Variants in TRIM36 observed in about 807,000 individuals in gnomAD.
TRIM36 encodes E3 ubiquitin-protein ligase TRIM36.
Under a neutral mutation model 72.4 loss-of-function variants are expected in TRIM36, and 42 were observed. The ratio of observed to expected loss-of-function variants is 0.58; its 90% CI spans 0.45 to 0.75. The LOEUF (loss-of-function observed/expected upper bound fraction) is 0.75. Ranked by LOEUF, TRIM36 falls within the 30% of genes least tolerant of loss-of-function variation. The probability of loss-of-function intolerance (pLI) is 0.00; values close to 1 mark genes in which losing one functional copy is unlikely to be tolerated. For missense variants in TRIM36, 913 were observed against 857.1 expected (o/e 1.07, Z -0.81); for synonymous variants, 315 against 282.8 (o/e 1.11, Z -1.14).
intron 9 of TRIM36, among the ~76,000 whole-genome samples, chr5:115,128,967 T>C (rs80147716): frequency 3.9e-5 from 6 of 152,080 alleles, no homozygotes; most frequent in African/African-American, 1.4e-4. Context: ...GCTCCATTCA[T>C]GGTAAGTACC....
chr5:115,170,067 C>G (rs2126948111), upstream of TRIM36: 2 of 776,772 alleles, frequency 2.6e-6, no homozygotes, highest in South Asian at 5.8e-5. Flanking sequence ...CTGAGCGGGA[C>G]TCGGCTGGGC....
chr5:115,146,944 CT>C, intron 3 of TRIM36, 124 bp downstream of exon 3: 1 of 1,056,002 alleles, frequency 9.5e-7, no homozygotes, highest in Non-Finnish European at 1.3e-6. Flanking sequence ...CTTATACCTG[CT>C]TTTAAAGTTA....
chr5:115,147,567 TA>T (rs1753663216), intron 2 of TRIM36, among the ~76,000 whole-genome samples, 173 bp from the exon 3 acceptor site: 1 of 152,174 alleles, frequency 6.6e-6, no homozygotes, highest in Admixed American at 6.5e-5. Flanking sequence ...TTTTCCTTAG[TA>T]TACAAAAGAC....
Position 115,177,937 on chromosome 5 carries a change from G to A in TRIM36, c.63+2038C>T, listed in dbSNP as rs1755418942. ...TCCAGTAAATGAAGCCAGAAAGTTA[G>A]TTTGTGTTTTTTCATTATAGTGAGC... On this transcript the variant is annotated intron_variant, in intron 1 of 9. Transcript: ENST00000282369. 4.5e-6 allele frequency: 7 copies of A among 1,565,864 alleles called. No individual in the cohort carries two copies. The East Asian group carries it at 1.6e-4, about 35-fold the overall frequency.
intron 4 of TRIM36, among the ~76,000 whole-genome samples, 154 bp downstream of exon 4, chr5:115,144,444 T>G (rs1407809271): frequency 2.0e-5 from 3 of 152,204 alleles, no homozygotes; most frequent in Admixed American, 1.3e-4. Context: ...TCAGAAATAC[T>G]AACAACCTAA....
At position 115,133,938 on chromosome 5, in the gene TRIM36, A is replaced by G. The variant is rs1409313730; in HGVS notation, c.1420T>C (p.Phe474Leu). Residue 474 changes from phenylalanine to leucine, a missense_variant, in exon 8 of 10, where the codon TTC (phenylalanine) becomes CTC (leucine). Physicochemically the swap from Phe to Leu is conservative, Grantham distance 22. Coordinates refer to ENST00000513154, the MANE Select transcript of TRIM36 (RefSeq NM_001300759.2). ...QDLENSSTYA[F>L]RVRAYKGSIC... is the part of the protein sequence containing the mutation. ...GAACCCTTGTAAGCTCTTACTCTGA[A>G]AGCATAGGTACTACTGTTTTCCAAG... 2 of 1,613,574 alleles carry G rather than the reference A, an allele frequency of 1.2e-6. No individual in the cohort carries two copies. The highest frequency in any genetic ancestry group is 3.3e-5 in the Admixed American group (2 of 59,932).
chr5:115,177,366 A>C (rs1166373732), intron 1 of TRIM36: 11 of 239,156 alleles, frequency 4.6e-5, no homozygotes, highest in Admixed American at 1.6e-4. Context: ...TGGTTAACTC[A>C]GTGGTCTCAA....
intron 1 of TRIM36, among the ~76,000 whole-genome samples, chr5:115,179,517 G>T (rs1367672919): frequency 6.6e-6 from 1 of 152,264 alleles, no homozygotes; most frequent in East Asian, 1.9e-4. Flanking sequence ...ACTGCGGGCT[G>T]ACCCTGATCG....
At chr5:115,177,623 T>TGCGGG in intron 1 of TRIM36, 1 of 1,529,772 alleles carries the variant, frequency 6.5e-7, no homozygotes. Flanking sequence ...GTGCTGGGGC[T>TGCGGG]GCGGGGCGGG....
intron 3 of TRIM36, among the ~76,000 whole-genome samples, chr5:115,146,333 A>G (rs1753592422): frequency 6.6e-6 from 1 of 152,180 alleles, no homozygotes; most frequent in Admixed American, 6.5e-5. Context: ...TAAAGGTTTT[A>G]CACTTAAAAA....
chr5:115,127,426 T>C (rs977414898), intron 9 of TRIM36, among the ~76,000 whole-genome samples: 14 of 152,190 alleles, frequency 9.2e-5, no homozygotes, highest in African/African-American at 3.1e-4. Context: ...CCAGGCATGG[T>C]GGTGTACGCT....
rs552879821 is a variant in TRIM36 at position 115,150,202 on chromosome 5, T to A, written c.263-2808A>T. On this transcript the variant is annotated intron_variant, in intron 2 of 9. Transcript: ENST00000513154. Reference sequence around the variant, plus strand: ...AATCTTAGGATATTCTGGGAAGTAATATCCTTAATGAAAAAATCAAGGCAA... The same window carrying A: ...AATCTTAGGATATTCTGGGAAGTAAAATCCTTAATGAAAAAATCAAGGCAA... Among the ~76,000 whole-genome samples the A allele has an allele frequency of 5.3e-4, 81 of 152,330 alleles. 3 individuals carry two copies. In the South Asian group the frequency reaches 9.7e-3, roughly 18 times the overall value.
At chr5:115,177,630 CG>C (rs1580720278) in intron 1 of TRIM36, 2 of 1,541,640 alleles carry the variant, frequency 1.3e-6, no homozygotes, top group East Asian at 2.3e-5. Flanking sequence ...GGCTGCGGGG[CG>C]GGGCAGGATT....
chr5:115,132,579 C>T (rs1188250737), intron 8 of TRIM36, among the ~76,000 whole-genome samples: 1 of 149,580 alleles, frequency 6.7e-6, no homozygotes, highest in African/African-American at 2.5e-5. Context: ...AGACTGCTAG[C>T]AAACTACAGC....
chr5:115,180,076 G>A, exon 1 of TRIM36: 1 of 1,590,374 alleles, frequency 6.3e-7, no homozygotes, highest in Non-Finnish European at 8.6e-7. Flanking sequence ...ACCGACGCGG[G>A]TGTATCGAAT....
At chr5:115,168,818 GT>G (rs1350421247) in intron 1 of TRIM36, 1 of 152,156 alleles carries the variant, frequency 6.6e-6, no homozygotes, top group Admixed American at 6.5e-5. Context: ...TCCAAAATAG[GT>G]TCTTACATTC....
At chr5:115,177,052 G>A (rs556478591) in intron 1 of TRIM36, 5 of 152,154 alleles carry the variant, frequency 3.3e-5, no homozygotes, top group African/African-American at 1.2e-4. Flanking sequence ...TAGGTTTTAG[G>A]TTACCCTAAG....
chr5:115,130,528 C>G, intron 9 of TRIM36, 64 bp downstream of exon 9: 1 of 1,521,836 alleles, frequency 6.6e-7, no homozygotes. Flanking sequence ...TGTAACAAAG[C>G]CAAATCTATT....
intron 1 of TRIM36, chr5:115,177,655 A>C (rs941698245): frequency 8.7e-5 from 139 of 1,589,054 alleles, no homozygotes; most frequent in Non-Finnish European, 1.2e-4. Context: ...GCCTGAGGAG[A>C]GTGGTAGGAA....
Sources: allele counts gnomAD v4.1 joint callset (sites outside exome capture counted in the v4.1 genomes callset), GRCh38; gene constraint gnomAD v4.1.1; transcripts MANE v1.5; gene names NCBI Gene and HGNC (gene_info 2026-07-23, HGNC 2026-07-21).